PLCB1: variants seen among roughly 807,000 people sequenced by gnomAD.
PLCB1 encodes phospholipase C beta 1, also known as 1-phosphatidylinositol 4,5-bisphosphate phosphodiesterase beta-1.
A neutral mutation model predicts 161.8 loss-of-function variants in PLCB1; 46 were observed. The ratio of observed to expected loss-of-function variants is 0.28; its 90% CI spans 0.22 to 0.36. The LOEUF is 0.36. Ranked by LOEUF, PLCB1 falls within the 10% of genes least tolerant of loss-of-function variation. The pLI, the probability that PLCB1 is intolerant of heterozygous loss-of-function variation, is 1.00. For synonymous variants in PLCB1, 517 were observed against 503.7 expected (o/e 1.03, Z -0.35); for missense variants, 1,016 against 1,472.5 (o/e 0.69, Z 5.07).
rs572813333 is a variant in PLCB1, at chr20:8,142,431, AT to A, written c.100-7862del. Among the ~76,000 whole-genome samples the A allele has an allele frequency of 2.8e-4, 42 of 152,352 alleles. No individual in the cohort carries two copies. The East Asian group carries it at 6.0e-3, about 22-fold the overall frequency. On this transcript the variant is annotated intron_variant, in intron 1 of 31. Transcript: ENST00000338037. Reference sequence around the variant, plus strand: ...TTGAGAAGGAAACTATTTATTGGCAATGCAGAGCTCACTGCTGTTACAGTGC... The same window carrying A: ...TTGAGAAGGAAACTATTTATTGGCAAGCAGAGCTCACTGCTGTTACAGTGC...
At chr20:8,316,739 A>ACT (rs1404578285) in intron 2 of PLCB1, among the ~76,000 whole-genome samples, 7 of 152,158 alleles carry the variant, frequency 4.6e-5, no homozygotes, top group Non-Finnish European at 8.8e-5. Flanking sequence ...GGAGACAGAA[A>ACT]GACGAGGGGT....
chr20:8,286,976 C>G (rs1983151482), intron 2 of PLCB1, among the ~76,000 whole-genome samples: 1 of 152,012 alleles, frequency 6.6e-6, no homozygotes, highest in Non-Finnish European at 1.5e-5. Context: ...TAAGACCAGC[C>G]AAGGATATAA....
chr20:8,345,342 A>G (rs1035555914), intron 2 of PLCB1, among the ~76,000 whole-genome samples: 8 of 152,178 alleles, frequency 5.3e-5, no homozygotes, highest in African/African-American at 1.9e-4. Flanking sequence ...GGGGGTTTAG[A>G]ACATTGATGT....
intron 3 of PLCB1, among the ~76,000 whole-genome samples, chr20:8,609,002 G>A (rs1342485451): frequency 1.3e-5 from 2 of 152,100 alleles, no homozygotes; most frequent in African/African-American, 4.8e-5. Context: ...ACTGGCCCTA[G>A]CATCCCTAGG....
chr20:8,525,247 A>G (rs930289302), intron 3 of PLCB1, among the ~76,000 whole-genome samples: 9 of 109,898 alleles, frequency 8.2e-5, no homozygotes, highest in African/African-American at 4.0e-4. Flanking sequence ...CTTAACCCAT[A>G]TATATAGCCA....
intron 2 of PLCB1, among the ~76,000 whole-genome samples, chr20:8,179,951 C>T (rs925269729): frequency 3.4e-5 from 5 of 146,070 alleles, no homozygotes; most frequent in Admixed American, 1.4e-4. Context: ...CTCCGCCTCC[C>T]GGGTTCGCAC....
intron 2 of PLCB1, among the ~76,000 whole-genome samples, chr20:8,154,643 CTGTTA>C (rs1411128042): frequency 1.3e-5 from 2 of 152,284 alleles, no homozygotes; most frequent in East Asian, 3.9e-4. Flanking sequence ...ACTGATGCAA[CTGTTA>C]TATCACCTTG....
At chr20:8,542,592 A>C (rs553503291) in intron 3 of PLCB1, among the ~76,000 whole-genome samples, 11 of 152,338 alleles carry the variant, frequency 7.2e-5, no homozygotes, top group African/African-American at 2.6e-4. Flanking sequence ...GCGGGGGAGA[A>C]AAAGAACAGC....
intron 31 of PLCB1, among the ~76,000 whole-genome samples, chr20:8,853,543 C>T (rs1383516498): frequency 2.0e-5 from 3 of 152,106 alleles, no homozygotes; most frequent in Admixed American, 6.6e-5. Flanking sequence ...TTAAAAATTG[C>T]TATAAAGTAT....
chr20:8,222,724 G>A (rs920893236), intron 2 of PLCB1, among the ~76,000 whole-genome samples: 2 of 151,776 alleles, frequency 1.3e-5, no homozygotes, highest in Non-Finnish European at 2.9e-5. Context: ...TTTTTATGTT[G>A]CCCTATTTTA....
chr20:8,296,972 C>T (rs73895759), intron 2 of PLCB1, among the ~76,000 whole-genome samples: 1 of 152,024 alleles, frequency 6.6e-6, no homozygotes, highest in African/African-American at 2.4e-5. Context: ...CCTTTTCTAT[C>T]TCAGTATATC....
At chr20:8,485,402 A>T (rs1337890646) in intron 3 of PLCB1, among the ~76,000 whole-genome samples, 2 of 152,240 alleles carry the variant, frequency 1.3e-5, no homozygotes, top group African/African-American at 4.8e-5. Flanking sequence ...CTTCAAATCA[A>T]TTGTAAGCTG....
intron 23 of PLCB1, 110 bp from the exon 24 acceptor site, chr20:8,756,936 C>T: frequency 9.7e-7 from 1 of 1,033,114 alleles, no homozygotes; most frequent in East Asian, 2.6e-5. Context: ...TTGATATTTC[C>T]AACTCCAAAA....
intron 10 of PLCB1, among the ~76,000 whole-genome samples, chr20:8,696,496 A>G (rs952680627): frequency 1.3e-5 from 2 of 152,100 alleles, no homozygotes; most frequent in East Asian, 1.9e-4. Context: ...TAACATTTCT[A>G]TATGAACTTT....
Position 8,426,094 on chromosome 20 carries a change from A to G in PLCB1, c.246+54644A>G, listed in dbSNP as rs182056206. 2.6e-5 allele frequency among the ~76,000 whole-genome samples: 4 copies of G among 152,240 alleles called. No individual in the cohort carries two copies. The East Asian group carries it at 7.7e-4, about 29-fold the overall frequency. ...AAAGGAACATGGGAAGCACTGCTTC[A>G]TTTCTGCCTGGAAAAGCCAGGGACA... On this transcript the variant is annotated intron_variant, in intron 3 of 31. Coordinates refer to ENST00000338037, the MANE Select transcript of PLCB1 (RefSeq NM_015192.4).
intron 3 of PLCB1, among the ~76,000 whole-genome samples, chr20:8,556,133 C>T (rs1158994958): frequency 6.6e-6 from 1 of 152,028 alleles, no homozygotes; most frequent in Non-Finnish European, 1.5e-5. Context: ...TCCTGGCTAA[C>T]ACCCTCCTCA....
intron 2 of PLCB1, among the ~76,000 whole-genome samples, chr20:8,343,153 G>A (rs1985875002): frequency 6.6e-6 from 1 of 152,138 alleles, no homozygotes; most frequent in Non-Finnish European, 1.5e-5. Context: ...AGCATGTGGG[G>A]CTCTAGGTAA....
chr20:8,744,619 A>ATAAAT (rs1555787584), intron 23 of PLCB1, among the ~76,000 whole-genome samples: 1 of 119,320 alleles, frequency 8.4e-6, no homozygotes, highest in Non-Finnish European at 1.8e-5. Context: ...AATAAAATAA[A>ATAAAT]TAAAATAAAA....
At chr20:8,157,303 A>C (rs920758129) in intron 2 of PLCB1, among the ~76,000 whole-genome samples, 7 of 152,226 alleles carry the variant, frequency 4.6e-5, no homozygotes, top group Admixed American at 1.3e-4. Flanking sequence ...TGTATTATTC[A>C]CAAGAAAAAT....
Sources: gnomAD v4.1 joint callset for allele counts (sites outside exome capture counted in the v4.1 genomes callset) on GRCh38, gnomAD v4.1.1 for gene constraint, MANE v1.5 for transcripts, NCBI Gene and HGNC (gene_info 2026-07-23, HGNC 2026-07-21) for gene names.